The following SCN1A variants were observed in gnomAD, a reference collection of about 807,000 sequenced individuals.
The protein encoded by SCN1A is sodium channel protein type 1 subunit alpha.
Under a neutral mutation model 193.7 loss-of-function variants are expected in SCN1A, and 13 were observed. The ratio of observed to expected loss-of-function variants is 0.07; its 90% CI spans 0.04 to 0.11. SCN1A has a LOEUF of 0.11. Ranked by LOEUF, SCN1A falls within the 10% of genes least tolerant of loss-of-function variation. SCN1A has a pLI of 1.00. For missense variants in SCN1A, 1,432 were observed against 2,451.1 expected, an observed-to-expected ratio of 0.58 and a Z score of 8.78; for synonymous variants, 781 against 843.6, an observed-to-expected ratio of 0.93 and a Z score of 1.29.
intron 18 of SCN1A, 27 bp from the exon 19 acceptor site, chr2:166,036,557 A>C (rs1329553518): frequency 6.2e-7 from 1 of 1,608,746 alleles, no homozygotes; most frequent in South Asian, 1.1e-5. Flanking sequence ...ACATGATTAT[A>C]ATTTTACACC....
chr2:166,129,837 C>A (rs1324597796), upstream of SCN1A, among the ~76,000 whole-genome samples: 1 of 152,118 alleles, frequency 6.6e-6, no homozygotes, highest in East Asian at 1.9e-4. Context: ...ACAATTCCCC[C>A]AATAGTTCTT....
At chr2:166,147,259 T>C (rs1692361207) in intron 1 of SCN1A, among the ~76,000 whole-genome samples, 1 of 152,190 alleles carries the variant, frequency 6.6e-6, no homozygotes, top group South Asian at 2.1e-4. Flanking sequence ...ATTCAAACAA[T>C]ATAATCTCAC....
At chr2:166,042,248 G>C in intron 15 of SCN1A, 44 bp downstream of exon 15, 1 of 1,587,958 alleles carries the variant, frequency 6.3e-7, no homozygotes, top group Non-Finnish European at 8.6e-7. Flanking sequence ...GACAATATAA[G>C]TTTGGTGAAA....
intron 7 of SCN1A, among the ~76,000 whole-genome samples, chr2:166,054,359 ATG>A (rs66512822): frequency 1.3e-5 from 2 of 151,144 alleles, no homozygotes; most frequent in African/African-American, 2.4e-5. Context: ...GTGTGTTCAT[ATG>A]TGTGTGTGTT....
chr2:165,996,268 G>A (rs1690044498), intron 26 of SCN1A, 151 bp from the exon 27 acceptor site: 1 of 547,288 alleles, frequency 1.8e-6, no homozygotes, highest in African/African-American at 1.9e-5. Flanking sequence ...AAAAAAAATT[G>A]TACTCTTTAG....
chr2:166,003,823 A>G (rs1691279130), intron 23 of SCN1A, among the ~76,000 whole-genome samples: 1 of 151,338 alleles, frequency 6.6e-6, no homozygotes, highest in African/African-American at 2.4e-5. Flanking sequence ...AACATCTTCT[A>G]TTTGCCATTT....
chr2:166,105,126 C>G (rs481757), intron 2 of SCN1A, among the ~76,000 whole-genome samples: 68,821 of 151,972 alleles, frequency 0.45, 16,051 homozygotes, highest in Middle Eastern at 0.55. Flanking sequence ...TATTTGCTTG[C>G]TGTACCTGGA....
chr2:166,016,717 C>T (rs1288550163), intron 19 of SCN1A: 2 of 151,902 alleles, frequency 1.3e-5, no homozygotes, highest in Non-Finnish European at 2.9e-5. Flanking sequence ...ATGCTACCAG[C>T]TGAGTATTCA....
At chr2:166,102,856 C>T (rs1688256844) in intron 2 of SCN1A, among the ~76,000 whole-genome samples, 1 of 152,116 alleles carries the variant, frequency 6.6e-6, no homozygotes, top group Non-Finnish European at 1.5e-5. Context: ...TGCTAGGGAA[C>T]ATTACACAGC....
intron 13 of SCN1A, among the ~76,000 whole-genome samples, chr2:166,044,443 T>C (rs370104299): frequency 1.3e-5 from 2 of 152,316 alleles, no homozygotes; most frequent in South Asian, 4.1e-4. Flanking sequence ...TTATGGATCT[T>C]GTCTTTCAAA....
At chr2:166,057,788 A>G (rs1319808568) in intron 5 of SCN1A, among the ~76,000 whole-genome samples, 2 of 152,076 alleles carry the variant, frequency 1.3e-5, no homozygotes, top group African/African-American at 4.8e-5. Context: ...TTTAATATCT[A>G]TTATTGTCAA....
In SCN1A at chr2:166,117,117, G is replaced by T. The variant is rs553837602; in HGVS notation, c.-142+9807C>A. On this transcript the variant is annotated intron_variant, in intron 2 of 28. Coordinates refer to ENST00000674923, the MANE Select transcript of SCN1A (RefSeq NM_001165963.4). ...TGTCAAATGTATTTTTAAAATGACA[G>T]TCTCCATTTATTTTCAAAAATTTGT... Among the ~76,000 whole-genome samples, 3 of 152,234 alleles carry T rather than the reference G, an allele frequency of 2.0e-5. No individual in the cohort carries two copies. The East Asian group carries it at 5.8e-4, about 29-fold the overall frequency.
chr2:166,079,902 A>T (rs1438430108), intron 2 of SCN1A, among the ~76,000 whole-genome samples: 1 of 151,564 alleles, frequency 6.6e-6, no homozygotes, highest in Non-Finnish European at 1.5e-5. Flanking sequence ...TTTTAACTCT[A>T]AGTAGATCTT....
At chr2:166,054,912 G>C in intron 6 of SCN1A, 146 bp from the exon 7 acceptor site, 2 of 741,604 alleles carry the variant, frequency 2.7e-6, no homozygotes. Flanking sequence ...ATGAAACGTA[G>C]CCCTAAATTT....
intron 24 of SCN1A, chr2:166,000,078 G>A: frequency 2.8e-6 from 1 of 362,082 alleles, no homozygotes; most frequent in African/African-American, 2.1e-5. Context: ...ATTTGCTGGA[G>A]CACTTTTTAG....
At chr2:166,105,821 C>G (rs2106168507) in intron 2 of SCN1A, among the ~76,000 whole-genome samples, 1 of 152,310 alleles carries the variant, frequency 6.6e-6, no homozygotes, top group South Asian at 2.1e-4. Flanking sequence ...TAAACTGAAG[C>G]ATTTGAAAAT....
At chr2:166,033,752 T>TA (rs1399598270) in intron 19 of SCN1A, among the ~76,000 whole-genome samples, 1 of 152,004 alleles carries the variant, frequency 6.6e-6, no homozygotes, top group Non-Finnish European at 1.5e-5. Context: ...TTGATCAATA[T>TA]AAAAAAACAA....
chr2:166,120,390 G>A (rs1463573003), intron 2 of SCN1A, among the ~76,000 whole-genome samples: 2 of 147,462 alleles, frequency 1.4e-5, no homozygotes, highest in Non-Finnish European at 3.0e-5. Context: ...TTCCGTAATT[G>A]GGGCCATCCT....
chr2:165,993,593 A>G (rs1159716164), intron 28 of SCN1A: 1 of 155,590 alleles, frequency 6.4e-6, no homozygotes, highest in African/African-American at 2.4e-5. Flanking sequence ...CTTGTGCATC[A>G]TTATGATAAA....
Sources: allele counts gnomAD v4.1 joint callset (sites outside exome capture counted in the v4.1 genomes callset), GRCh38; gene constraint gnomAD v4.1.1; transcripts MANE v1.5; gene names NCBI Gene and HGNC (gene_info 2026-07-23, HGNC 2026-07-21).